BICRA: variants seen among roughly 807,000 people sequenced by gnomAD.
BICRA encodes the protein BRD4-interacting chromatin-remodeling complex-associated protein.
Under a neutral mutation model 96.9 loss-of-function variants are expected in BICRA, and 31 were observed. That is an observed-to-expected ratio of 0.32 (90% CI 0.24 to 0.43). The LOEUF (loss-of-function observed/expected upper bound fraction) is 0.43. Ranked by LOEUF, BICRA falls within the 20% of genes least tolerant of loss-of-function variation. The pLI is 1.00. For missense variants in BICRA, 2,283 were observed against 2,190.3 expected (o/e 1.04, Z -0.84); for synonymous variants, 1,350 against 1,071.8 (o/e 1.26, Z -5.07).
chr19:47,615,380 G>A (rs1487553813), intron 1 of BICRA, among the ~76,000 whole-genome samples: 1 of 152,190 alleles, frequency 6.6e-6, no homozygotes, highest in Non-Finnish European at 1.5e-5. Flanking sequence ...ACGTGTCTTT[G>A]CCTCAGGTGA....
chr19:47,690,644 G>A (rs1479082600), intron 7 of BICRA, among the ~76,000 whole-genome samples: 1 of 152,182 alleles, frequency 6.6e-6, no homozygotes, highest in Non-Finnish European at 1.5e-5. Flanking sequence ...TCTGTGCACT[G>A]TCTGATCATA....
intron 1 of BICRA, among the ~76,000 whole-genome samples, chr19:47,653,413 T>C (rs1972569797): frequency 6.6e-6 from 1 of 151,790 alleles, no homozygotes; most frequent in South Asian, 2.1e-4. Flanking sequence ...AATTCAGTTG[T>C]TTTCAGTATA....
In BICRA at chr19:47,694,513, G is replaced by A. The variant is rs758048397; in HGVS notation, c.2682G>A (p.Thr894=). The change falls in exon 8 of 15, where the codon ACG becomes ACA. Residue 894 remains threonine, a synonymous_variant. Transcript: ENST00000594866. ...CTGCTGTGGCCTCCTCCTCTGAGAC[G>A]TCCTCCAGGTTGCCAGCCCCTACGC... The part of the protein sequence containing the change: ...TSSAVASSSE[T]SSRLPAPTPS... The A allele has an allele frequency of 2.2e-5, 34 of 1,547,012 alleles. No individual in the cohort carries two copies. Among genetic ancestry groups the A allele is most frequent in the Admixed American group, 7.3e-5 (4 of 54,422 alleles).
intron 1 of BICRA, among the ~76,000 whole-genome samples, chr19:47,651,540 G>A (rs889911402): frequency 3.3e-5 from 5 of 152,092 alleles, no homozygotes; most frequent in African/African-American, 4.8e-5. Context: ...GACTCCTGCC[G>A]GTAGAACGTG....
At chr19:47,619,948 T>C (rs1342781959) in intron 1 of BICRA, among the ~76,000 whole-genome samples, 2 of 152,140 alleles carry the variant, frequency 1.3e-5, no homozygotes, top group African/African-American at 4.8e-5. Flanking sequence ...CCTTTGCCCC[T>C]TCCTGGTCAG....
chr19:47,695,342 T>TCGC, intron 9 of BICRA, 23 bp from the exon 10 acceptor site: 2 of 630,198 alleles, frequency 3.2e-6, no homozygotes, highest in Non-Finnish European at 5.7e-6. Context: ...AGGCCCTGTC[T>TCGC]CCCCCACCCC....
intron 4 of BICRA, among the ~76,000 whole-genome samples, chr19:47,674,786 C>T (rs555181363): frequency 3.7e-4 from 56 of 152,274 alleles, no homozygotes; most frequent in African/African-American, 1.3e-3. Flanking sequence ...AGCTGGCTTC[C>T]CCCAGAACGA....
intron 10 of BICRA, 35 bp downstream of exon 10, chr19:47,695,509 C>A: frequency 9.9e-7 from 1 of 1,009,806 alleles, no homozygotes; most frequent in Non-Finnish European, 1.5e-6. Context: ...CAGGACAGGA[C>A]CAGGAGTCTT....
At chr19:47,683,540 A>G (rs1973097554) in intron 7 of BICRA, among the ~76,000 whole-genome samples, 1 of 151,540 alleles carries the variant, frequency 6.6e-6, no homozygotes, top group Non-Finnish European at 1.5e-5. Context: ...TAAAGTAATA[A>G]CCATTATGCT....
At position 47,698,864 on chromosome 19, in the gene BICRA, A is replaced by T; in HGVS notation, c.3397+82A>T. On this transcript the variant is annotated intron_variant, in intron 12 of 14. Transcript: ENST00000594866. This position sits in a 1 kb window ranked among gnomAD's most constrained non-coding sequence, Gnocchi z 4.8. ...CGGGGCGTCGCCAGTGTGGAGCCGC[A>T]GGTCCACGGTGCGCTATGCTGACCC... 1 of 1,379,050 alleles carries T rather than the reference A, an allele frequency of 7.3e-7. No homozygotes were observed. Among genetic ancestry groups the T allele is most frequent in the Non-Finnish European group, 1.0e-6 (1 of 990,628 alleles). 85.4% of individuals were successfully genotyped at this position (1,379,050 alleles called of 1,614,324 possible). A position where few individuals can be genotyped will look rare whatever the true frequency, so the allele number is the denominator to read the frequency against.
chr19:47,702,766 C>G lies in BICRA; in HGVS notation c.*351C>G. 3.2e-6 allele frequency: 1 copy of G among 310,338 alleles called. No homozygotes were observed. Among genetic ancestry groups the G allele is most frequent in the Non-Finnish European group, 5.9e-6 (1 of 169,246 alleles). 19.2% of individuals were successfully genotyped at this position (310,338 alleles called of 1,614,324 possible). A position where few individuals can be genotyped will look rare whatever the true frequency, so the allele number is the denominator to read the frequency against. On this transcript the variant is annotated 3_prime_UTR_variant, in exon 15 of 15. Coordinates refer to ENST00000594866, the MANE Select transcript of BICRA (RefSeq NM_001394372.1). ...GATGGGGCCACCGGGTTGATGCCAACGCTCCGGGTGCCTGTCTTGTCTGTG... is the reference window on the plus strand; with the variant it reads ...GATGGGGCCACCGGGTTGATGCCAAGGCTCCGGGTGCCTGTCTTGTCTGTG...
chr19:47,663,398 A>AG (rs985592912), intron 1 of BICRA: 5 of 152,222 alleles, frequency 3.3e-5, no homozygotes, highest in Non-Finnish European at 7.3e-5. Flanking sequence ...AAGAAAAAAA[A>AG]GAACACGGTC....
At chr19:47,669,113 T>A (rs975966338) in intron 1 of BICRA, among the ~76,000 whole-genome samples, 25 of 151,378 alleles carry the variant, frequency 1.7e-4, no homozygotes, top group South Asian at 4.2e-4. Flanking sequence ...CACAAAAAAA[T>A]AAATAAAATA....
chr19:47,697,093 G>A (rs898202846), intron 11 of BICRA, among the ~76,000 whole-genome samples: 4 of 151,772 alleles, frequency 2.6e-5, no homozygotes, highest in African/African-American at 7.3e-5. Flanking sequence ...TGCAACCTCC[G>A]CCTCCCCCGT....
chr19:47,679,728 C>T lies in BICRA; in HGVS notation c.558C>T (p.Asp186=), dbSNP rs1973000745. ...ACCAGGCCCTGGTGCCGCCCCAGGA[C>T]GTGGTCAACAAGGCCCTGAGTGTGC... ...LTHQALVPPQ[D]VVNKALSVQP... is the part of the protein sequence containing the mutation. The change falls in exon 6 of 15, where the codon GAC becomes GAT. Residue 186 remains aspartate (D), a synonymous_variant. Coordinates refer to ENST00000594866, the MANE Select transcript of BICRA (RefSeq NM_001394372.1). 5 of 1,537,418 alleles carry T rather than the reference C, an allele frequency of 3.3e-6. No individual in the cohort carries two copies. The highest frequency in any genetic ancestry group is 2.8e-5 in the African/African-American group (2 of 72,524).
At chr19:47,629,299 G>A (rs1253159689) in intron 1 of BICRA, among the ~76,000 whole-genome samples, 4 of 152,082 alleles carry the variant, frequency 2.6e-5, no homozygotes, top group Non-Finnish European at 2.9e-5. Flanking sequence ...CACCACACCC[G>A]GCGTCCAACT....
In BICRA at chr19:47,635,828, G is replaced by T. The variant is rs375746515; in HGVS notation, c.-108+26660G>T. Among the ~76,000 whole-genome samples, 11 of 152,130 alleles carry T rather than the reference G, an allele frequency of 7.2e-5. No homozygotes were observed. The East Asian group carries it at 1.3e-3, about 19-fold the overall frequency. ...TACTCCATTGTGCAGATATACCACA[G>T]TTTGTTTACCCACTTTTCTGCTGAA... is the stretch of plus-strand genomic sequence containing the variant. On this transcript the variant is annotated intron_variant, in intron 1 of 14. Transcript: ENST00000594866.
chr19:47,661,953 C>T (rs1972711164), intron 1 of BICRA: 2 of 152,116 alleles, frequency 1.3e-5, no homozygotes, highest in South Asian at 4.1e-4. Context: ...ATAGTGGGAC[C>T]CCGTCTCTGC....
At chr19:47,631,491 G>T (rs1396625847) in intron 1 of BICRA, among the ~76,000 whole-genome samples, 1 of 151,980 alleles carries the variant, frequency 6.6e-6, no homozygotes, top group Non-Finnish European at 1.5e-5. Context: ...GCCTCCCAAA[G>T]ATCTGGGATT....
Sources: allele counts gnomAD v4.1 joint callset (sites outside exome capture counted in the v4.1 genomes callset), GRCh38; gene constraint gnomAD v4.1.1; non-coding constraint Gnocchi (gnomAD v3.1); transcripts MANE v1.5; gene names NCBI Gene and HGNC (gene_info 2026-07-23, HGNC 2026-07-21).